The following ABCA6 variants were observed in gnomAD, a reference collection of about 807,000 sequenced individuals.
ABCA6 encodes ATP binding cassette subfamily A member 6.
Under a neutral mutation model 191.2 loss-of-function variants are expected in ABCA6, and 164 were observed. The observed-to-expected ratio is 0.86, with a 90% confidence interval of 0.76 to 0.98. The LOEUF (loss-of-function observed/expected upper bound fraction) is 0.98, where lower values mean the gene tolerates loss of function less well. ABCA6 is among the 50% of genes least tolerant of loss of function. The probability of loss-of-function intolerance (pLI) is 0.00; values close to 1 mark genes in which losing one functional copy is unlikely to be tolerated. For missense variants in ABCA6, 1,958 were observed against 1,894.1 expected, an observed-to-expected ratio of 1.03 and a Z score of -0.63; for synonymous variants, 636 against 647.7, an observed-to-expected ratio of 0.98 and a Z score of 0.27.
chr17:69,129,166 A>G (rs559849866), intron 7 of ABCA6, among the ~76,000 whole-genome samples: 1 of 152,274 alleles, frequency 6.6e-6, no homozygotes, highest in South Asian at 2.1e-4. Flanking sequence ...GAAGATGGAA[A>G]TTAGAGGTTC....
At chr17:69,133,590 C>T (rs1467752338) in intron 6 of ABCA6, 51 bp downstream of exon 6, 1 of 1,323,528 alleles carries the variant, frequency 7.6e-7, no homozygotes, top group Non-Finnish European at 1.1e-6. Flanking sequence ...TTTTTCACTG[C>T]TTCTTAATTT....
Position 69,134,628 on chromosome 17 carries a change from C to T in ABCA6, c.564+11G>A. The T allele has an allele frequency of 6.3e-7, 1 of 1,588,666 alleles. No homozygotes were observed. Among genetic ancestry groups the T allele is most frequent in the South Asian group, 1.1e-5 (1 of 88,310 alleles). On this transcript the variant is annotated intron_variant, in intron 5 of 38. Coordinates refer to ENST00000284425, the MANE Select transcript of ABCA6 (RefSeq NM_080284.3). ...ACATTAATTAGTAGAACTTTTCAAT[C>T]AAGCACTTACTTCTATAATGGCAGT...
intron 37 of ABCA6, 37 bp downstream of exon 37, chr17:69,081,029 T>A (rs1404310668): frequency 7.9e-7 from 1 of 1,272,432 alleles, no homozygotes; most frequent in Non-Finnish European, 1.1e-6. Flanking sequence ...TATTAGTTGA[T>A]TCTTCAAAAG....
Position 69,110,933 on chromosome 17 carries a change from T to C in ABCA6, c.2140A>G (p.Arg714Gly), listed in dbSNP as rs115419079. 847 of 1,589,832 alleles carry C rather than the reference T, an allele frequency of 5.3e-4. 1 individual carries two copies. The African/African-American group carries it at 9.8e-3, about 18-fold the overall frequency. Residue 714 changes from arginine (R) to glycine (G), a missense_variant, in exon 17 of 39, where the codon AGG (arginine) becomes GGG (glycine). By Grantham distance (125) the Arg-to-Gly change is moderately radical (BLOSUM62 -2). Transcript: ENST00000284425. ...TGTTCTGGGTTACATATTTCATTCC[T>C]ATGTAAACTAATATTTAAAAGAAAA... ...WGLGYHLSLH[R>G]NEICNPEQIT...
intron 30 of ABCA6, 28 bp downstream of exon 30, chr17:69,086,590 G>C (rs947643201): frequency 6.6e-7 from 1 of 1,511,552 alleles, no homozygotes; most frequent in Non-Finnish European, 9.1e-7. Flanking sequence ...AAAAGTAATG[G>C]TAAGTTTTAA....
Position 69,105,655 on chromosome 17 carries a change from T to C in ABCA6, c.2574-27A>G, listed in dbSNP as rs2073284218. On this transcript the variant is annotated intron_variant, in intron 19 of 38. Transcript: ENST00000284425. ...TAAACAATAAAGAAAAATTAGCATA[T>C]TAATCTCCAGGAATTTTATTTATTT... is the stretch of plus-strand genomic sequence containing the variant. 2.1e-6 allele frequency: 3 copies of C among 1,412,502 alleles called. No homozygotes were observed. The African/African-American group carries it at 4.3e-5, about 20-fold the overall frequency. 87.5% of individuals were successfully genotyped at this position (1,412,502 alleles called of 1,614,324 possible). A position where few individuals can be genotyped will look rare whatever the true frequency, so the allele number is the denominator to read the frequency against.
chr17:69,116,852 T>C (rs931704058), intron 11 of ABCA6, among the ~76,000 whole-genome samples: 2 of 152,124 alleles, frequency 1.3e-5, no homozygotes, highest in Non-Finnish European at 2.9e-5. Context: ...AATCATATTT[T>C]TAATGTGTTG....
At chr17:69,082,653 C>G (rs1222115163) in intron 36 of ABCA6, among the ~76,000 whole-genome samples, 3 of 152,152 alleles carry the variant, frequency 2.0e-5, no homozygotes, top group African/African-American at 4.8e-5. Context: ...TGGGGATCAG[C>G]CTGGGATGGC....
At chr17:69,107,874 A>G in intron 17 of ABCA6, 62 bp from the exon 18 acceptor site, 1 of 930,904 alleles carries the variant, frequency 1.1e-6, no homozygotes, top group Non-Finnish European at 1.7e-6. Flanking sequence ...AACCAAGTAA[A>G]TTAATACTTA....
At chr17:69,087,934 T>C (rs1266476740) in intron 28 of ABCA6, among the ~76,000 whole-genome samples, 1 of 152,210 alleles carries the variant, frequency 6.6e-6, no homozygotes, top group Non-Finnish European at 1.5e-5. Context: ...AATGGCATAT[T>C]TGGGTCCTTA....
intron 15 of ABCA6, 44 bp downstream of exon 15, chr17:69,113,178 C>T: frequency 6.4e-7 from 1 of 1,573,438 alleles, no homozygotes; most frequent in Non-Finnish European, 8.6e-7. Context: ...CTTCTAAATT[C>T]CCCAATTGCA....
Position 69,107,755 on chromosome 17 carries a change from G to A in ABCA6, c.2330C>T (p.Ser777Phe). The change falls in exon 18 of 39, where the codon TCC becomes TTC. Residue 777 changes from serine (S) to phenylalanine (F), a missense_variant. Coordinates refer to ENST00000284425, the MANE Select transcript of ABCA6 (RefSeq NM_080284.3). Reference sequence around the variant, plus strand: ...AAAGACTTCATTTAGAGTTGACATGGAAATGTCATAACCTGTCACTCCCTG... The same window carrying A: ...AAAGACTTCATTTAGAGTTGACATGAAAATGTCATAACCTGTCACTCCCTG... ...SDQGVTGYDI[S>F]MSTLNEVFMK... The A allele has an allele frequency of 1.2e-6, 2 of 1,612,984 alleles. No individual in the cohort carries two copies. The highest frequency in any genetic ancestry group is 1.3e-5 in the African/African-American group (1 of 74,954).
intron 8 of ABCA6, 145 bp from the exon 9 acceptor site, chr17:69,125,180 T>C (rs931524099): frequency 1.4e-5 from 5 of 354,306 alleles, no homozygotes; most frequent in Non-Finnish European, 2.5e-5. Context: ...TAAATAAAGG[T>C]ATTGGTCAAA....
chr17:69,100,667 G>T, intron 22 of ABCA6, 130 bp downstream of exon 22: 1 of 1,054,440 alleles, frequency 9.5e-7, no homozygotes, highest in Non-Finnish European at 1.3e-6. Context: ...ATAACCCATT[G>T]AAAATATTAG....
At chr17:69,084,595 G>T in intron 32 of ABCA6, 88 bp from the exon 33 acceptor site, 1 of 1,143,182 alleles carries the variant, frequency 8.7e-7, no homozygotes, top group East Asian at 2.4e-5. Context: ...TTAGAGGGAA[G>T]TTTAGTAATA....
At chr17:69,135,911 C>T (rs140949627) in intron 4 of ABCA6, 181 bp downstream of exon 4, 18 of 625,876 alleles carry the variant, frequency 2.9e-5, no homozygotes, top group Middle Eastern at 2.5e-4. Context: ...GATGACTCTA[C>T]AATTTTTGCA....
intron 10 of ABCA6, among the ~76,000 whole-genome samples, chr17:69,120,599 A>T (rs1266683740): frequency 2.0e-5 from 3 of 152,112 alleles, no homozygotes; most frequent in Non-Finnish European, 4.4e-5. Context: ...CAAAGTTAAA[A>T]GATGATGAGT....
rs773228141 is a variant in ABCA6, at chr17:69,134,642, T to C, written c.561A>G (p.Ile187Met). Reference protein sequence around the residue: ...ALQTAINTAIIEITTNHPVME... With the variant: ...ALQTAINTAIMEITTNHPVME... ...AACTTTTCAATCAAGCACTTACTTCTATAATGGCAGTATTAATAGCTGTTT... is the reference window on the plus strand; with the variant it reads ...AACTTTTCAATCAAGCACTTACTTCCATAATGGCAGTATTAATAGCTGTTT... Residue 187 changes from isoleucine (I) to methionine (M), a missense_variant, in exon 5 of 39, where the codon ATA becomes ATG. Ile to Met is a conservative substitution (Grantham distance 10). Transcript: ENST00000284425. 13 of 1,608,684 alleles carry C rather than the reference T, an allele frequency of 8.1e-6. No homozygotes were observed. The highest frequency in any genetic ancestry group is 8.0e-5 in the African/African-American group (6 of 74,768).
Position 69,133,688 on chromosome 17 carries a change from C to G in ABCA6, c.744G>C (p.Lys248Asn). 6.2e-7 allele frequency: 1 copy of G among 1,606,994 alleles called. No individual in the cohort carries two copies. Among genetic ancestry groups the G allele is most frequent in the Non-Finnish European group, 8.5e-7 (1 of 1,175,048 alleles). Reference sequence around the variant, plus strand: ...CCATCATTTTCATCAAATTCTTAGACTTTTTTCTCTCTTTTGTTACATTGA... The same window carrying G: ...CCATCATTTTCATCAAATTCTTAGAGTTTTTTCTCTCTTTTGTTACATTGA... ...ISLNVTKERK[K>N]SKNLMKMMGL... The change falls in exon 6 of 39, where the codon AAG (lysine) becomes AAC (asparagine). Residue 248 changes from lysine to asparagine, a missense_variant. Physicochemically the swap from Lys to Asn is moderately conservative, Grantham distance 94. Transcript: ENST00000284425.
Sources: gnomAD v4.1 joint callset for allele counts (sites outside exome capture counted in the v4.1 genomes callset) on GRCh38, gnomAD v4.1.1 for gene constraint, MANE v1.5 for transcripts, NCBI Gene and HGNC (gene_info 2026-07-23, HGNC 2026-07-21) for gene names.